PC: variants seen among roughly 807,000 people sequenced by gnomAD.
PC encodes pyruvate carboxylase, mitochondrial.
In PC, 46 loss-of-function variants were observed where a neutral mutation model predicts 107.8. That is an observed-to-expected ratio of 0.43 (90% confidence interval 0.34 to 0.55). PC has a LOEUF of 0.55. Ranked by LOEUF, PC falls within the 20% of genes least tolerant of loss-of-function variation. PC has a pLI of 0.04. For synonymous variants in PC, 662 were observed against 684.7 expected, an observed-to-expected ratio of 0.97 and a Z score of 0.52; for missense variants, 1,241 against 1,643.1, an observed-to-expected ratio of 0.76 and a Z score of 4.23.
At chr11:66,906,908 C>A (rs1414464997) in intron 3 of PC, among the ~76,000 whole-genome samples, 1 of 152,210 alleles carries the variant, frequency 6.6e-6, no homozygotes, top group African/African-American at 2.4e-5. Flanking sequence ...TTTTCCTGCA[C>A]TGCTGTCTGG....
At chr11:66,946,748 C>T (rs954297828) in intron 3 of PC, among the ~76,000 whole-genome samples, 7 of 152,056 alleles carry the variant, frequency 4.6e-5, no homozygotes, top group African/African-American at 1.7e-4. Context: ...ACGATCGCAT[C>T]AGTGCAAGCC....
rs1473685732 is a variant in PC at position 66,858,605 on chromosome 11, G to T, written c.1368+5169C>A. 1.3e-6 allele frequency: 2 copies of T among 1,535,094 alleles called. No homozygotes were observed. The highest frequency in any genetic ancestry group is 4.9e-5 in the East Asian group (2 of 40,846). The stretch of plus-strand genomic sequence containing the variant: ...AGCCGCCCCTCATTGCCCGCCACAC[G>T]CAGCGCCTCTGGGTGCTGGAAGGCC... On this transcript the variant is annotated intron_variant, in intron 12 of 22. Coordinates refer to ENST00000393960, the MANE Select transcript of PC (RefSeq NM_001040716.2). This position sits in a 1 kb window ranked among gnomAD's most constrained non-coding sequence, Gnocchi z 5.9.
At chr11:66,925,395 T>C (rs991083199) in intron 3 of PC, among the ~76,000 whole-genome samples, 1 of 152,180 alleles carries the variant, frequency 6.6e-6, no homozygotes, top group African/African-American at 2.4e-5. Context: ...ACGCATCTCT[T>C]TCTCAGGGAT....
chr11:66,905,832 C>T (rs748375761), intron 3 of PC, among the ~76,000 whole-genome samples: 15 of 152,126 alleles, frequency 9.9e-5, no homozygotes, highest in Admixed American at 3.3e-4. Flanking sequence ...ACCCGAACCA[C>T]GGGTGCCTGG....
At chr11:66,943,131 G>A (rs1459111508) in intron 3 of PC, among the ~76,000 whole-genome samples, 1 of 152,096 alleles carries the variant, frequency 6.6e-6, no homozygotes, top group African/African-American at 2.4e-5. Flanking sequence ...TTAAGAGGTG[G>A]GGCCTTGAGG....
At chr11:66,903,064 G>A (rs908087510) in intron 3 of PC, among the ~76,000 whole-genome samples, 1 of 152,166 alleles carries the variant, frequency 6.6e-6, no homozygotes, top group African/African-American at 2.4e-5. Context: ...GTGTTCATCC[G>A]AATATAACAG....
chr11:66,860,358 C>T, intron 12 of PC: 1 of 1,083,522 alleles, frequency 9.2e-7, no homozygotes, highest in East Asian at 2.6e-5. Flanking sequence ...GTTCTGGCCT[C>T]CAGACCAGGG....
At chr11:66,889,784 G>T (rs974275135) in intron 3 of PC, among the ~76,000 whole-genome samples, 1 of 152,008 alleles carries the variant, frequency 6.6e-6, no homozygotes, top group African/African-American at 2.4e-5. Flanking sequence ...ACCATTCCGG[G>T]TCCTTTTCTC....
chr11:66,891,554 C>T (rs1013255797), intron 3 of PC, among the ~76,000 whole-genome samples: 1 of 151,126 alleles, frequency 6.6e-6, no homozygotes, highest in Admixed American at 6.6e-5. Context: ...CCACCATGCC[C>T]GACTAATTTT....
At chr11:66,916,839 A>C (rs1210917115) in intron 3 of PC, among the ~76,000 whole-genome samples, 2 of 151,990 alleles carry the variant, frequency 1.3e-5, no homozygotes, top group African/African-American at 4.8e-5. Flanking sequence ...CTATAGTCTC[A>C]GCTACTCAGG....
chr11:66,865,578 G>A (rs1370955911), intron 11 of PC, among the ~76,000 whole-genome samples: 3 of 152,188 alleles, frequency 2.0e-5, no homozygotes, highest in Admixed American at 1.3e-4. Context: ...TGGAGAAGGC[G>A]CGAGTCTTGC....
intron 3 of PC, among the ~76,000 whole-genome samples, chr11:66,932,792 C>A (rs1948893516): frequency 6.6e-6 from 1 of 152,116 alleles, no homozygotes; most frequent in Non-Finnish European, 1.5e-5. Flanking sequence ...TCATACCATC[C>A]CTTATCTTGT....
chr11:66,891,982 G>A (rs1947592962), intron 3 of PC, among the ~76,000 whole-genome samples: 1 of 152,052 alleles, frequency 6.6e-6, no homozygotes, highest in African/African-American at 2.4e-5. Context: ...CTTTTCTGCT[G>A]GGCTGGTTGT....
At chr11:66,878,561 C>T (rs1396618322) in intron 3 of PC, among the ~76,000 whole-genome samples, 1 of 152,220 alleles carries the variant, frequency 6.6e-6, no homozygotes, top group Non-Finnish European at 1.5e-5. Flanking sequence ...CTCTCACATA[C>T]ATTCTTGCAT....
chr11:66,851,423 G>A, intron 16 of PC, 143 bp from the exon 17 acceptor site: 1 of 1,240,910 alleles, frequency 8.1e-7, no homozygotes, highest in Non-Finnish European at 1.1e-6. Context: ...GCATCCACAG[G>A]CGGGGGGTGG....
In PC at chr11:66,858,524, GCCCGGCC is replaced by G; in HGVS notation, c.1369-5148_1369-5142del. 1.3e-6 allele frequency: 2 copies of G among 1,533,860 alleles called. No homozygotes were observed. Among genetic ancestry groups the G allele is most frequent in the Non-Finnish European group, 1.7e-6 (2 of 1,145,416 alleles). ...ACGACCTGGAAACGTGCGCCTCCCC[GCCCGGCC>G]TGGCCGGCCGCTACTTCTGGGCAGT... On this transcript the variant is annotated intron_variant, in intron 12 of 22. Coordinates refer to ENST00000393960, the MANE Select transcript of PC (RefSeq NM_001040716.2). This position sits in a 1 kb window ranked among gnomAD's most constrained non-coding sequence, Gnocchi z 5.9.
At chr11:66,951,263 G>C (rs1322151817) in intron 3 of PC, among the ~76,000 whole-genome samples, 2 of 152,256 alleles carry the variant, frequency 1.3e-5, no homozygotes, top group Non-Finnish European at 2.9e-5. Flanking sequence ...CAGCGGGCCT[G>C]AAGGGAAGAG....
Position 66,851,950 on chromosome 11 carries a change from C to A in PC, c.1826-4G>T. 6.2e-7 allele frequency: 1 copy of A among 1,613,728 alleles called. No homozygotes were observed. The highest frequency in any genetic ancestry group is 1.1e-5 in the South Asian group (1 of 91,076). ...ATGGCGACGTCAAACGTGGCTCCTG[C>A]ACAGGAACCGAGAGGCCCAGATCAG... On this transcript the variant is annotated splice_region_variant and splice_polypyrimidine_tract_variant and intron_variant, in intron 15 of 22. Transcript: ENST00000393960.
At chr11:66,950,580 A>G (rs534816067) in intron 3 of PC, among the ~76,000 whole-genome samples, 186 of 152,334 alleles carry the variant, frequency 1.2e-3, no homozygotes, top group Non-Finnish European at 2.4e-3. Context: ...ACAGAGCCTT[A>G]GTCCCTAGGC....
Sources: gnomAD v4.1 joint callset for allele counts (sites outside exome capture counted in the v4.1 genomes callset) on GRCh38, gnomAD v4.1.1 for gene constraint, Gnocchi (gnomAD v3.1) non-coding constraint, MANE v1.5 for transcripts, NCBI Gene and HGNC (gene_info 2026-07-23, HGNC 2026-07-21) for gene names.